Variants in DCLK2 observed in about 807,000 individuals in gnomAD.
The protein encoded by DCLK2 is doublecortin like kinase 2.
A neutral mutation model predicts 78.4 loss-of-function variants in DCLK2; 31 were observed. The observed-to-expected ratio is 0.40, with a 90% CI of 0.30 to 0.53. The LOEUF is 0.53. DCLK2 is among the 20% of genes least tolerant of loss of function. DCLK2 has a pLI of 0.61. For synonymous variants in DCLK2, 407 were observed against 374.9 expected (o/e 1.09, Z -0.99); for missense variants, 872 against 973.7 (o/e 0.90, Z 1.39).
At position 150,232,920 on chromosome 4, in the gene DCLK2, A is replaced by G. The variant is rs1742195064; in HGVS notation, c.1566+92A>G. 17 of 1,435,466 alleles carry G rather than the reference A, an allele frequency of 1.2e-5. No homozygotes were observed. The South Asian group carries it at 1.6e-4, about 13-fold the overall frequency. The allele number at this position is 1,435,466 out of a possible 1,614,324, so 88.9% of individuals were successfully genotyped here. ...TAATGGCATTTTATAGTCTATACCA[A>G]TCCTACATTATGAGACTTTAAATTT... On this transcript the variant is annotated intron_variant, in intron 10 of 15. Coordinates refer to ENST00000296550, the MANE Select transcript of DCLK2 (RefSeq NM_001040260.4).
intron 2 of DCLK2, among the ~76,000 whole-genome samples, chr4:150,180,823 C>G (rs1737458204): frequency 6.6e-6 from 1 of 152,198 alleles, no homozygotes; most frequent in Non-Finnish European, 1.5e-5. Context: ...AGCCATAAAA[C>G]CTGAAAATAT....
chr4:150,251,718 C>T (rs140316220), intron 15 of DCLK2, among the ~76,000 whole-genome samples: 48 of 95,122 alleles, frequency 5.0e-4, no homozygotes, highest in African/African-American at 2.0e-3. Flanking sequence ...ACCCCCAACA[C>T]CCCCACACAC....
chr4:150,178,529 G>GA (rs11338433), intron 2 of DCLK2, among the ~76,000 whole-genome samples: 7 of 148,302 alleles, frequency 4.7e-5, no homozygotes, highest in South Asian at 4.3e-4. Context: ...CTGCTCTAGG[G>GA]AAAAAAAAAA....
chr4:150,164,411 C>T (rs2150248529), intron 2 of DCLK2, among the ~76,000 whole-genome samples: 1 of 152,310 alleles, frequency 6.6e-6, no homozygotes, highest in South Asian at 2.1e-4. Context: ...AAGCCTATAG[C>T]TCATCAGCAA....
chr4:150,164,668 G>A (rs1735939173), intron 2 of DCLK2, among the ~76,000 whole-genome samples: 1 of 152,048 alleles, frequency 6.6e-6, no homozygotes. Context: ...GTGTGGTGGT[G>A]CACACCTGTA....
At chr4:150,202,189 T>C (rs1051461491) in intron 4 of DCLK2, among the ~76,000 whole-genome samples, 3 of 152,242 alleles carry the variant, frequency 2.0e-5, no homozygotes, top group Admixed American at 6.5e-5. Flanking sequence ...AAACCTTTTG[T>C]GCTCTACCTT....
chr4:150,224,908 G>A (rs1741481803), intron 8 of DCLK2, among the ~76,000 whole-genome samples: 1 of 152,174 alleles, frequency 6.6e-6, no homozygotes, highest in South Asian at 2.1e-4. Flanking sequence ...ATACAGGCCA[G>A]CAGAACACAA....
intron 13 of DCLK2, 21 bp from the exon 14 acceptor site, chr4:150,248,284 G>C (rs762425766): frequency 2.1e-5 from 33 of 1,608,636 alleles, no homozygotes; most frequent in Non-Finnish European, 2.8e-5. Context: ...TCTGTGGTCT[G>C]ACTTGTTTGT....
intron 2 of DCLK2, among the ~76,000 whole-genome samples, chr4:150,147,154 G>A (rs563087998): frequency 6.6e-6 from 1 of 151,992 alleles, no homozygotes; most frequent in African/African-American, 2.4e-5. Flanking sequence ...AGATAAGTTA[G>A]CGAAGCATGG....
chr4:150,212,171 A>G (rs1323867905), intron 5 of DCLK2, among the ~76,000 whole-genome samples: 1 of 152,210 alleles, frequency 6.6e-6, no homozygotes, highest in African/African-American at 2.4e-5. Context: ...GAAGGAAGAA[A>G]AAAGTACATT....
At chr4:150,181,817 A>G (rs1737550603) in intron 2 of DCLK2, among the ~76,000 whole-genome samples, 1 of 152,176 alleles carries the variant, frequency 6.6e-6, no homozygotes, top group African/African-American at 2.4e-5. Context: ...TTCTTCCTGT[A>G]GAAAGGGTCC....
At chr4:150,169,031 G>T (rs775853602) in intron 2 of DCLK2, among the ~76,000 whole-genome samples, 2 of 151,862 alleles carry the variant, frequency 1.3e-5, no homozygotes, top group Non-Finnish European at 2.9e-5. Context: ...ACCATTGGAA[G>T]CCAAAGTGCA....
At chr4:150,103,885 G>T (rs991952910) in intron 2 of DCLK2, among the ~76,000 whole-genome samples, 1 of 151,722 alleles carries the variant, frequency 6.6e-6, no homozygotes, top group Admixed American at 6.6e-5. Context: ...CCTCATAGCC[G>T]CCTGCCCCCA....
rs548591079 is a variant in DCLK2 at position 150,087,713 on chromosome 4, TC to T, written c.421+8266del. ...CTGTCTGTCTAGATTCTTCTTGGCCTCTGTGAGCAACATTCCTTTCTTCTGG... is the reference window on the plus strand; with the variant it reads ...CTGTCTGTCTAGATTCTTCTTGGCCTTGTGAGCAACATTCCTTTCTTCTGG... On this transcript the variant is annotated intron_variant, in intron 1 of 15. Coordinates refer to ENST00000296550, the MANE Select transcript of DCLK2 (RefSeq NM_001040260.4). 6.6e-3 allele frequency among the ~76,000 whole-genome samples: 1,012 copies of T among 152,322 alleles called. 9 individuals carry two copies. The highest frequency in any genetic ancestry group is 0.021 in the African/African-American group (873 of 41,548).
intron 1 of DCLK2, 149 bp downstream of exon 1, chr4:150,079,597 G>T: frequency 1.3e-6 from 1 of 776,448 alleles, no homozygotes; most frequent in Non-Finnish European, 1.9e-6. Context: ...TTGGCTGGGG[G>T]TGGGGGCCGG....
chr4:150,223,700 C>T (rs778854394), intron 7 of DCLK2, among the ~76,000 whole-genome samples: 9 of 151,884 alleles, frequency 5.9e-5, no homozygotes, highest in South Asian at 2.1e-4. Flanking sequence ...GCCAAGATTG[C>T]GCCATTGCAC....
chr4:150,091,025 A>G (rs1202925450), intron 1 of DCLK2, among the ~76,000 whole-genome samples: 1 of 152,216 alleles, frequency 6.6e-6, no homozygotes, highest in African/African-American at 2.4e-5. Context: ...TAGTCTGCCA[A>G]TTCCTTTAAG....
chr4:150,123,477 C>A (rs1300570433), intron 2 of DCLK2, among the ~76,000 whole-genome samples: 1 of 152,116 alleles, frequency 6.6e-6, no homozygotes, highest in African/African-American at 2.4e-5. Context: ...AAAATGATTA[C>A]AGTAGTAACA....
intron 2 of DCLK2, among the ~76,000 whole-genome samples, chr4:150,175,227 A>G (rs1293273050): frequency 7.5e-6 from 1 of 133,274 alleles, no homozygotes; most frequent in Non-Finnish European, 1.6e-5. Context: ...ATCTATATAT[A>G]TTTATATATA....
Sources: allele counts gnomAD v4.1 joint callset (sites outside exome capture counted in the v4.1 genomes callset), GRCh38; gene constraint gnomAD v4.1.1; transcripts MANE v1.5; gene names NCBI Gene and HGNC (gene_info 2026-07-23, HGNC 2026-07-21).